Variants in PTPRM observed in about 807,000 individuals in gnomAD.
PTPRM encodes receptor-type tyrosine-protein phosphatase mu.
Under a neutral mutation model 186.7 loss-of-function variants are expected in PTPRM, and 47 were observed. That is an observed-to-expected ratio of 0.25 (90% confidence interval 0.20 to 0.32). The LOEUF is 0.32. PTPRM is among the 10% of genes least tolerant of loss of function. The pLI, the probability that PTPRM is intolerant of heterozygous loss-of-function variation, is 1.00. For synonymous variants in PTPRM, 668 were observed against 674.9 expected (o/e 0.99, Z 0.16); for missense variants, 1,494 against 1,865.0 (o/e 0.80, Z 3.66).
At chr18:7,731,551 G>A (rs565161335) in intron 1 of PTPRM, among the ~76,000 whole-genome samples, 2 of 152,238 alleles carry the variant, frequency 1.3e-5, no homozygotes, top group East Asian at 3.9e-4. Flanking sequence ...GTACATGACT[G>A]TCATAACAAG....
intron 7 of PTPRM, among the ~76,000 whole-genome samples, chr18:8,042,897 C>T (rs1486306644): frequency 1.3e-5 from 2 of 152,176 alleles, no homozygotes; most frequent in Admixed American, 6.5e-5. Context: ...ATGTACTCAT[C>T]GCCAAGACAG....
At position 7,568,002 on chromosome 18, in the gene PTPRM, G is replaced by A. The variant is rs1488694107; in HGVS notation, c.73+111G>A. 2.8e-6 allele frequency: 3 copies of A among 1,064,432 alleles called. No individual in the cohort carries two copies. Among genetic ancestry groups the A allele is most frequent in the African/African-American group, 1.7e-5 (1 of 58,920 alleles). 65.9% of individuals were successfully genotyped at this position (1,064,432 alleles called of 1,614,324 possible). On this transcript the variant is annotated intron_variant, in intron 1 of 32. Coordinates refer to ENST00000580170, the MANE Select transcript of PTPRM (RefSeq NM_001105244.2). This position sits in a 1 kb window ranked among gnomAD's most constrained non-coding sequence, Gnocchi z 5.1. ...CCTAAGGCTGGCGTCGGGGCCGGGC[G>A]GGGGGCGCGGCGGGCCGGACACCGC...
At chr18:8,337,781 C>A (rs1271624328) in intron 22 of PTPRM, among the ~76,000 whole-genome samples, 4 of 152,076 alleles carry the variant, frequency 2.6e-5, no homozygotes, top group Admixed American at 1.3e-4. Context: ...CGGGAGGACG[C>A]TGGGAAGGAG....
chr18:8,127,435 T>C (rs1207101571), intron 13 of PTPRM, among the ~76,000 whole-genome samples: 3 of 150,340 alleles, frequency 2.0e-5, no homozygotes, highest in African/African-American at 7.4e-5. Context: ...TTTTTTTTTT[T>C]GATGGGATGA....
intron 2 of PTPRM, among the ~76,000 whole-genome samples, chr18:7,882,029 C>A (rs2048533936): frequency 6.6e-6 from 1 of 151,718 alleles, no homozygotes; most frequent in Non-Finnish European, 1.5e-5. Context: ...ATTTGGGTAC[C>A]AAGGATGCTA....
chr18:7,913,459 G>A (rs910457830), intron 4 of PTPRM, among the ~76,000 whole-genome samples: 5 of 152,192 alleles, frequency 3.3e-5, no homozygotes, highest in African/African-American at 1.2e-4. Context: ...GATGTTGGCT[G>A]TGGTGTTTTG....
At chr18:8,328,854 G>C (rs1598322379) in intron 22 of PTPRM, among the ~76,000 whole-genome samples, 1 of 152,318 alleles carries the variant, frequency 6.6e-6, no homozygotes, top group South Asian at 2.1e-4. Context: ...AATTTCAAAA[G>C]ATAGTTGCCA....
intron 7 of PTPRM, among the ~76,000 whole-genome samples, chr18:7,978,573 CTAACT>C (rs2055116487): frequency 6.6e-6 from 1 of 152,206 alleles, no homozygotes; most frequent in Non-Finnish European, 1.5e-5. Flanking sequence ...GCCTGCCATG[CTAACT>C]TACGAGGCGA....
chr18:8,001,629 T>G lies in PTPRM; in HGVS notation c.1132+46215T>G, dbSNP rs540655098. Among the ~76,000 whole-genome samples the G allele has an allele frequency of 2.0e-5, 3 of 152,166 alleles. No individual in the cohort carries two copies. The East Asian group carries it at 5.8e-4, about 29-fold the overall frequency. ...CAGGTATGTATTCCAAAACTAGCAA[T>G]AATTGTGAAGTGATTCCAAGAATCC... On this transcript the variant is annotated intron_variant, in intron 7 of 32. Coordinates refer to ENST00000580170, the MANE Select transcript of PTPRM (RefSeq NM_001105244.2).
At chr18:7,801,805 C>T (rs551653737) in intron 2 of PTPRM, among the ~76,000 whole-genome samples, 1 of 152,264 alleles carries the variant, frequency 6.6e-6, no homozygotes, top group African/African-American at 2.4e-5. Flanking sequence ...TGGGACCATC[C>T]TTGTACATGT....
intron 1 of PTPRM, among the ~76,000 whole-genome samples, chr18:7,590,074 C>T (rs1408053269): frequency 1.3e-5 from 2 of 152,168 alleles, no homozygotes. Flanking sequence ...ATTGTTGGTT[C>T]AGGCCCTAGC....
At chr18:7,911,235 C>A (rs1054326181) in intron 4 of PTPRM, among the ~76,000 whole-genome samples, 1 of 152,198 alleles carries the variant, frequency 6.6e-6, no homozygotes, top group Non-Finnish European at 1.5e-5. Flanking sequence ...CTGCTGTGAA[C>A]ATTTGTTATC....
intron 14 of PTPRM, among the ~76,000 whole-genome samples, chr18:8,202,476 C>CATGCAGAAATTTCTCCAT (rs1234028150): frequency 1.3e-5 from 2 of 152,094 alleles, no homozygotes; most frequent in African/African-American, 4.8e-5. Context: ...TTGCCTATGG[C>CATGCAGAAATTTCTCCAT]ATGCAGAAAT....
intron 2 of PTPRM, among the ~76,000 whole-genome samples, chr18:7,810,281 A>C (rs1011654828): frequency 6.6e-6 from 1 of 152,166 alleles, no homozygotes; most frequent in Non-Finnish European, 1.5e-5. Flanking sequence ...ATGCAAGACA[A>C]ACTGAATTTT....
At chr18:7,605,428 C>G (rs1050954547) in intron 1 of PTPRM, among the ~76,000 whole-genome samples, 1 of 151,714 alleles carries the variant, frequency 6.6e-6, no homozygotes, top group East Asian at 1.9e-4. Flanking sequence ...GTCCCCCCCC[C>G]ACTTCCGTTC....
At chr18:8,005,121 G>C (rs1239381952) in intron 7 of PTPRM, among the ~76,000 whole-genome samples, 2 of 152,108 alleles carry the variant, frequency 1.3e-5, no homozygotes, top group East Asian at 3.9e-4. Context: ...TGGTCCTTTG[G>C]GCATGGCTGG....
intron 1 of PTPRM, among the ~76,000 whole-genome samples, chr18:7,650,713 G>A (rs2038680862): frequency 6.6e-6 from 1 of 151,812 alleles, no homozygotes; most frequent in Non-Finnish European, 1.5e-5. Context: ...ACAGTATGCT[G>A]TTTGTTCATT....
At chr18:8,386,392 G>C (rs2095773490) in intron 30 of PTPRM, among the ~76,000 whole-genome samples, 1 of 152,072 alleles carries the variant, frequency 6.6e-6, no homozygotes, top group Non-Finnish European at 1.5e-5. Flanking sequence ...CAGAGAGAGA[G>C]GGAGGGACTG....
At chr18:8,380,505 G>C (rs113914126) in intron 29 of PTPRM, 78 bp downstream of exon 29, 1 of 1,535,134 alleles carries the variant, frequency 6.5e-7, no homozygotes, top group Non-Finnish European at 9.0e-7. Context: ...GTTTGCACCC[G>C]AGAAGTGCAG....
Sources: allele counts gnomAD v4.1 joint callset (sites outside exome capture counted in the v4.1 genomes callset), GRCh38; gene constraint gnomAD v4.1.1; non-coding constraint Gnocchi (gnomAD v3.1); transcripts MANE v1.5; gene names NCBI Gene and HGNC (gene_info 2026-07-23, HGNC 2026-07-21).